The following TJP1 variants were observed in gnomAD, a reference collection of about 807,000 sequenced individuals.
TJP1 encodes the protein tight junction protein 1.
A neutral mutation model predicts 194.2 loss-of-function variants in TJP1; 43 were observed. The ratio of observed to expected loss-of-function variants is 0.22; its 90% CI spans 0.17 to 0.29. TJP1 has a LOEUF of 0.29. TJP1 is among the 10% of genes least tolerant of loss of function. The pLI is 1.00. For missense variants in TJP1, 1,971 were observed against 2,185.7 expected (o/e 0.90, Z 1.96); for synonymous variants, 801 against 779.0 (o/e 1.03, Z -0.47).
chr15:29,732,410 A>C (rs1465056834), intron 15 of TJP1, 23 bp downstream of exon 15: 1 of 1,600,266 alleles, frequency 6.2e-7, no homozygotes, highest in Non-Finnish European at 8.6e-7. Context: ...AACCTCATTT[A>C]AGTTAGCCTT....
chr15:29,839,233 C>T lies in TJP1; in HGVS notation c.307-38531G>A, dbSNP rs369445762. Among the ~76,000 whole-genome samples, 29 of 151,924 alleles carry T rather than the reference C, an allele frequency of 1.9e-4. 1 individual carries two copies. In the East Asian group the frequency reaches 1.9e-3, roughly 10 times the overall value. On this transcript the variant is annotated intron_variant, in intron 2 of 28. Coordinates refer to the TJP1 transcript ENST00000356107. ...CAGGATGGTCTTGATTTCCTGACCT[C>T]GTGATCTGCCCGCCTCAGCCTTCCA...
intron 4 of TJP1, 23 bp from the exon 5 acceptor site, chr15:29,766,565 A>G (rs2046344460): frequency 1.3e-6 from 2 of 1,522,716 alleles, no homozygotes; most frequent in Non-Finnish European, 1.8e-6. Context: ...AAGGTTAAAA[A>G]ATAAGTTGAC....
At chr15:29,848,767 G>C (rs1002444204) in intron 2 of TJP1, among the ~76,000 whole-genome samples, 1 of 152,090 alleles carries the variant, frequency 6.6e-6, no homozygotes, top group East Asian at 1.9e-4. Context: ...GCTGAGGCAG[G>C]AGAATCATTT....
chr15:29,779,644 A>T (rs1266008571), intron 2 of TJP1, among the ~76,000 whole-genome samples: 1 of 152,230 alleles, frequency 6.6e-6, no homozygotes, highest in Non-Finnish European at 1.5e-5. Flanking sequence ...TATTTGATTG[A>T]TTATTCAATT....
intron 2 of TJP1, among the ~76,000 whole-genome samples, chr15:29,829,053 C>T (rs1020140999): frequency 2.0e-5 from 3 of 152,074 alleles, no homozygotes; most frequent in African/African-American, 4.8e-5. Flanking sequence ...TGCCGGGCCC[C>T]AATTCTAAGT....
chr15:29,885,757 C>T (rs548286163), intron 2 of TJP1, among the ~76,000 whole-genome samples: 1 of 152,260 alleles, frequency 6.6e-6, no homozygotes, highest in South Asian at 2.1e-4. Flanking sequence ...AAAGAGCAAT[C>T]CTTTAAGTAG....
At chr15:29,936,506 C>A (rs1168894330) in intron 2 of TJP1, among the ~76,000 whole-genome samples, 1 of 152,160 alleles carries the variant, frequency 6.6e-6, no homozygotes, top group Non-Finnish European at 1.5e-5. Flanking sequence ...GTGTCTGCAT[C>A]TACAGGGCCA....
intron 2 of TJP1, among the ~76,000 whole-genome samples, chr15:29,863,778 C>G (rs1485883137): frequency 6.6e-6 from 1 of 152,182 alleles, no homozygotes; most frequent in Non-Finnish European, 1.5e-5. Flanking sequence ...TTCAATGTGC[C>G]TAACTCACAC....
intron 2 of TJP1, among the ~76,000 whole-genome samples, chr15:29,792,849 G>A (rs973554074): frequency 6.6e-6 from 1 of 151,934 alleles, no homozygotes; most frequent in African/African-American, 2.4e-5. Context: ...TTATTCCTAG[G>A]TATTTTATTT....
intron 2 of TJP1, among the ~76,000 whole-genome samples, chr15:29,870,405 AT>A (rs2152116938): frequency 6.6e-6 from 1 of 152,322 alleles, no homozygotes; most frequent in East Asian, 1.9e-4. Flanking sequence ...AGTATGCAAA[AT>A]TATCTTATAA....
intron 2 of TJP1, among the ~76,000 whole-genome samples, chr15:29,890,257 A>G (rs2053259433): frequency 6.6e-6 from 1 of 152,228 alleles, no homozygotes; most frequent in Non-Finnish European, 1.5e-5. Flanking sequence ...AAATGAACTG[A>G]TTGTTATACA....
intron 2 of TJP1, among the ~76,000 whole-genome samples, chr15:29,798,140 T>C (rs2048535293): frequency 6.6e-6 from 1 of 152,104 alleles, no homozygotes; most frequent in African/African-American, 2.4e-5. Flanking sequence ...GTCCAGCTAA[T>C]TTTTGTATTT....
intron 1 of TJP1, chr15:29,968,273 A>G (rs932323797): frequency 2.0e-6 from 2 of 984,928 alleles, no homozygotes; most frequent in Admixed American, 1.2e-4. Flanking sequence ...CGTGATACCA[A>G]TGAATTCTTC....
At chr15:29,888,311 T>C (rs745862845) in intron 2 of TJP1, among the ~76,000 whole-genome samples, 7 of 152,108 alleles carry the variant, frequency 4.6e-5, no homozygotes, top group Non-Finnish European at 1.0e-4. Flanking sequence ...TATGTAGAAA[T>C]ATATTAGGTA....
chr15:29,833,689 C>T (rs576787069), intron 2 of TJP1, among the ~76,000 whole-genome samples: 10 of 151,350 alleles, frequency 6.6e-5, no homozygotes, highest in Middle Eastern at 3.4e-3. Flanking sequence ...CCACCACACC[C>T]GGCCTACTTG....
chr15:29,771,118 T>C (rs1377385775), intron 4 of TJP1, among the ~76,000 whole-genome samples: 1 of 152,218 alleles, frequency 6.6e-6, no homozygotes, highest in Admixed American at 6.5e-5. Flanking sequence ...ATACACATAC[T>C]TACCATTGTT....
intron 4 of TJP1, among the ~76,000 whole-genome samples, chr15:29,770,496 C>T (rs1239985587): frequency 6.6e-6 from 1 of 150,820 alleles, no homozygotes; most frequent in Non-Finnish European, 1.5e-5. Flanking sequence ...CACGAGACAG[C>T]CTCCATCAGG....
intron 2 of TJP1, among the ~76,000 whole-genome samples, chr15:29,919,575 T>A (rs2152245538): frequency 6.6e-6 from 1 of 152,246 alleles, no homozygotes. Context: ...GGAAAAGGGA[T>A]AGGGTGTAAC....
chr15:29,950,180 ACCT>A (rs1344119345), intron 2 of TJP1, among the ~76,000 whole-genome samples: 8 of 108,698 alleles, frequency 7.4e-5, no homozygotes, highest in Admixed American at 1.0e-4. Flanking sequence ...CACTACCTCC[ACCT>A]CCACCACCAC....
Sources: allele counts gnomAD v4.1 joint callset (sites outside exome capture counted in the v4.1 genomes callset), GRCh38; gene constraint gnomAD v4.1.1; transcripts MANE v1.5; gene names NCBI Gene and HGNC (gene_info 2026-07-23, HGNC 2026-07-21).